The following ROBO2 variants were observed in gnomAD, a reference collection of about 807,000 sequenced individuals.
ROBO2 encodes the protein roundabout homolog 2.
ROBO2 carries 53 observed loss-of-function variants against 160.8 expected under a neutral mutation model. The ratio of observed to expected loss-of-function variants is 0.33; its 90% CI spans 0.26 to 0.41. ROBO2 has a LOEUF of 0.41. Among genes scored for constraint, ROBO2 ranks in the 10% least tolerant of loss-of-function variants. ROBO2 has a pLI of 1.00. For missense variants in ROBO2, 1,577 were observed against 1,722.4 expected (o/e 0.92, Z 1.49); for synonymous variants, 664 against 611.7 (o/e 1.09, Z -1.26).
intron 2 of ROBO2, among the ~76,000 whole-genome samples, chr3:76,484,701 T>C (rs1230365585): frequency 6.6e-6 from 1 of 152,192 alleles, no homozygotes; most frequent in Non-Finnish European, 1.5e-5. Context: ...TGCTGCTTTA[T>C]TATACCCAAA....
At chr3:77,283,894 G>C (rs1303505912) in intron 2 of ROBO2, among the ~76,000 whole-genome samples, 1 of 152,140 alleles carries the variant, frequency 6.6e-6, no homozygotes, top group Non-Finnish European at 1.5e-5. Flanking sequence ...AGATGAATCA[G>C]AGCTAATCTA....
At chr3:77,518,055 G>C (rs2090203550) in intron 5 of ROBO2, among the ~76,000 whole-genome samples, 1 of 151,532 alleles carries the variant, frequency 6.6e-6, no homozygotes, top group South Asian at 2.1e-4. Context: ...TGAAAAAGCT[G>C]TCTTGTAGGA....
At position 77,372,102 on chromosome 3, in the gene ROBO2, T is replaced by C. The variant is rs149046093; in HGVS notation, c.389-105312T>C. 2.0e-3 allele frequency among the ~76,000 whole-genome samples: 297 copies of C among 151,770 alleles called. 2 individuals carry two copies. Among genetic ancestry groups the C allele is most frequent in the African/African-American group, 6.8e-3 (283 of 41,340 alleles). ...AGCTAAAGAAAGAATTTAGAGACTG[T>C]AAACTACATTGAAGGAGATTTTAAA... On this transcript the variant is annotated intron_variant, in intron 2 of 25. Transcript: ENST00000461745.
At chr3:76,535,063 G>A (rs2082420522) in intron 2 of ROBO2, among the ~76,000 whole-genome samples, 1 of 151,942 alleles carries the variant, frequency 6.6e-6, no homozygotes. Flanking sequence ...TGGATGTCAG[G>A]GTCAGTCCAA....
chr3:76,300,840 G>T lies in ROBO2; in HGVS notation c.109+363238G>T, dbSNP rs949794217. Among the ~76,000 whole-genome samples the T allele has an allele frequency of 3.3e-5, 5 of 152,170 alleles. No homozygotes were observed. In the East Asian group the frequency reaches 9.7e-4, roughly 29 times the overall value. On this transcript the variant is annotated intron_variant, in intron 2 of 26. Coordinates refer to the ROBO2 transcript ENST00000487694. The stretch of plus-strand genomic sequence containing the variant: ...CAGAAAAGGAAATGAAGCCAGGTGA[G>T]TCTTTTCTTGTCCAAATCATTAGGT...
chr3:76,935,502 C>T (rs543491030), intron 2 of ROBO2, among the ~76,000 whole-genome samples: 4 of 152,250 alleles, frequency 2.6e-5, no homozygotes, highest in East Asian at 1.9e-4. Flanking sequence ...TTTTCTTTGT[C>T]TTTTGCTTTT....
chr3:76,967,510 T>A (rs2059361864), intron 2 of ROBO2, among the ~76,000 whole-genome samples: 3 of 108,470 alleles, frequency 2.8e-5, no homozygotes, highest in African/African-American at 1.2e-4. Context: ...CCTGGCCAGC[T>A]CTTTTTTTTT....
At chr3:75,974,144 A>G (rs1205181735) in intron 2 of ROBO2, among the ~76,000 whole-genome samples, 2 of 151,706 alleles carry the variant, frequency 1.3e-5, no homozygotes, top group Non-Finnish European at 3.0e-5. Context: ...TGGTGAGGTC[A>G]TTGTGATTGC....
Position 76,524,826 on chromosome 3 carries a change from TAAAAAAAAAAAAAAAAAAAAA to T in ROBO2, c.110-573168_110-573148del, listed in dbSNP as rs58091252. ...TAAAAACCTATGACCCTCTTATTCC[TAAAAAAAAAAAAAAAAAAAAA>T]AAAAAAAAAAAAAAAAAAATAAGTA... On this transcript the variant is annotated intron_variant, in intron 2 of 26. Coordinates refer to the ROBO2 transcript ENST00000487694. Among the ~76,000 whole-genome samples, 53 of 21,740 alleles carry T rather than the reference TAAAAAAAAAAAAAAAAAAAAA, an allele frequency of 2.4e-3. No individual in the cohort carries two copies. In the South Asian group the frequency reaches 0.099, roughly 40 times the overall value. 14.3% of individuals were successfully genotyped at this position (21,740 alleles called of 152,430 possible).
chr3:77,444,583 TAAAGAGGAA>T (rs1462677174), intron 2 of ROBO2, among the ~76,000 whole-genome samples: 1 of 152,170 alleles, frequency 6.6e-6, no homozygotes, highest in African/African-American at 2.4e-5. Flanking sequence ...TGAAAAGTTT[TAAAGAGGAA>T]AAAGAGGTTA....
At chr3:77,536,230 A>C (rs1484688560) in intron 6 of ROBO2, among the ~76,000 whole-genome samples, 1 of 152,142 alleles carries the variant, frequency 6.6e-6, no homozygotes, top group African/African-American at 2.4e-5. Flanking sequence ...CAGGCCACAA[A>C]GAAGCAGGTG....
intron 2 of ROBO2, among the ~76,000 whole-genome samples, chr3:76,044,587 G>C (rs1472102238): frequency 6.6e-6 from 1 of 151,642 alleles, no homozygotes; most frequent in Non-Finnish European, 1.5e-5. Flanking sequence ...TCAACACATA[G>C]CTTTTGTTTC....
chr3:76,400,057 A>G (rs1332377900), intron 2 of ROBO2, among the ~76,000 whole-genome samples: 1 of 151,700 alleles, frequency 6.6e-6, no homozygotes, highest in African/African-American at 2.4e-5. Context: ...GAAACATGAT[A>G]CCAATCCTAA....
At chr3:76,763,377 G>A (rs1354201508) in intron 2 of ROBO2, among the ~76,000 whole-genome samples, 1 of 151,550 alleles carries the variant, frequency 6.6e-6, no homozygotes, top group Non-Finnish European at 1.5e-5. Flanking sequence ...GATATTGAAC[G>A]GCTACCATGT....
chr3:76,613,844 A>G (rs2088345421), intron 2 of ROBO2, among the ~76,000 whole-genome samples: 1 of 152,100 alleles, frequency 6.6e-6, no homozygotes, highest in Admixed American at 6.5e-5. Flanking sequence ...TACATTAAGA[A>G]CTTGGATTCA....
At chr3:76,965,686 T>C (rs2080014602) in intron 2 of ROBO2, among the ~76,000 whole-genome samples, 3 of 148,738 alleles carry the variant, frequency 2.0e-5, no homozygotes, top group Admixed American at 2.0e-4. Flanking sequence ...AAAAAAAAAC[T>C]TCAGTAAATT....
At chr3:76,940,895 T>G (rs775480343) in intron 2 of ROBO2, among the ~76,000 whole-genome samples, 11 of 152,220 alleles carry the variant, frequency 7.2e-5, no homozygotes, top group Admixed American at 1.3e-4. Context: ...TTTTTCTGAG[T>G]TTCAGGTCTG....
intron 2 of ROBO2, among the ~76,000 whole-genome samples, chr3:76,919,618 T>C (rs768958615): frequency 6.6e-6 from 1 of 152,210 alleles, no homozygotes; most frequent in Non-Finnish European, 1.5e-5. Context: ...CATCCTATCA[T>C]GTATTTTTAA....
intron 2 of ROBO2, among the ~76,000 whole-genome samples, chr3:77,368,590 A>G (rs2153474836): frequency 6.6e-6 from 1 of 152,352 alleles, no homozygotes; most frequent in South Asian, 2.1e-4. Context: ...TGTTCAAAAA[A>G]GAATACAATT....
Sources: gnomAD v4.1 joint callset for allele counts (sites outside exome capture counted in the v4.1 genomes callset) on GRCh38, gnomAD v4.1.1 for gene constraint, MANE v1.5 for transcripts, NCBI Gene and HGNC (gene_info 2026-07-23, HGNC 2026-07-21) for gene names.